Variants in IFT56 observed in about 807,000 individuals in gnomAD.
IFT56 encodes the protein intraflagellar transport protein 56.
the IFT56 span, among the ~76,000 whole-genome samples, chr7:139,159,201 G>C: frequency 6.6e-6 from 1 of 152,052 alleles, no homozygotes; most frequent in African/African-American, 2.4e-5. Flanking sequence ...TAAATGTTTG[G>C]TAGAACTTAT....
the IFT56 span, among the ~76,000 whole-genome samples, chr7:139,184,780 C>T: frequency 0.18 from 27,398 of 152,030 alleles, 4,398 homozygotes; most frequent in African/African-American, 0.39. Context: ...GCAGGCCGGG[C>T]GTGGTGGCTG....
the IFT56 span, among the ~76,000 whole-genome samples, chr7:139,163,684 TTG>T: frequency 6.6e-6 from 1 of 152,070 alleles, no homozygotes; most frequent in South Asian, 2.1e-4. Context: ...CAAAAACCCC[TTG>T]TGTGTGTTTA....
At chr7:139,166,775 G>A in the IFT56 span, 1 of 838,706 alleles carries the variant, frequency 1.2e-6, no homozygotes, top group Non-Finnish European at 2.0e-6. Context: ...CTTATCTTTT[G>A]GGAGGACTGC....
the IFT56 span, chr7:139,172,945 G>T: frequency 1.4e-6 from 1 of 725,742 alleles, no homozygotes; most frequent in South Asian, 1.4e-5. Flanking sequence ...TATACTGGCG[G>T]ATGTGTCCTG....
chr7:139,168,537 C>T, the IFT56 span: 2 of 661,526 alleles, frequency 3.0e-6, no homozygotes, highest in African/African-American at 3.6e-5. Context: ...ATCCAGACTC[C>T]ACTGAGAAAA....
the IFT56 span, among the ~76,000 whole-genome samples, chr7:139,184,276 T>C: frequency 1.3e-5 from 2 of 152,186 alleles, no homozygotes; most frequent in African/African-American, 4.8e-5. Flanking sequence ...TCATATCCTC[T>C]TGCTGTGTGT....
the IFT56 span, among the ~76,000 whole-genome samples, chr7:139,175,961 C>T: frequency 6.6e-6 from 1 of 152,016 alleles, no homozygotes; most frequent in Admixed American, 6.6e-5. Flanking sequence ...TCCCGAGTAG[C>T]TGGGACTACA....
At chr7:139,182,293 C>G in the IFT56 span, among the ~76,000 whole-genome samples, 1 of 151,862 alleles carries the variant, frequency 6.6e-6, no homozygotes, top group South Asian at 2.1e-4. Context: ...TCAACAAAAG[C>G]TCATTTCAAA....
the IFT56 span, chr7:139,190,225 T>TTGTTGTTGTTG: frequency 2.1e-5 from 3 of 145,346 alleles, no homozygotes; most frequent in African/African-American, 8.4e-5. Flanking sequence ...AACATCAGTT[T>TTGTTGTTGTTG]TTGTTGTTGT....
At chr7:139,187,302 A>T in the IFT56 span, 2 of 1,354,556 alleles carry the variant, frequency 1.5e-6, no homozygotes, top group East Asian at 2.3e-5. Flanking sequence ...GTCAGCACCC[A>T]TGCACTTATT....
chr7:139,147,245 A>G, the IFT56 span: 1 of 1,613,554 alleles, frequency 6.2e-7, no homozygotes, highest in Non-Finnish European at 8.5e-7. Flanking sequence ...CGATCTCACT[A>G]CCAAGAAGCT....
At chr7:139,143,472 G>C in the IFT56 span, among the ~76,000 whole-genome samples, 1 of 151,694 alleles carries the variant, frequency 6.6e-6, no homozygotes, top group African/African-American at 2.4e-5. Context: ...ATTTCTCTTT[G>C]TCATATTTGT....
the IFT56 span, among the ~76,000 whole-genome samples, chr7:139,179,090 G>A: frequency 6.6e-6 from 1 of 152,144 alleles, no homozygotes; most frequent in Non-Finnish European, 1.5e-5. Flanking sequence ...GTCATAGAAT[G>A]TGCTCTGGGC....
At chr7:139,175,240 CCTA>C in the IFT56 span, among the ~76,000 whole-genome samples, 1 of 151,968 alleles carries the variant, frequency 6.6e-6, no homozygotes, top group Non-Finnish European at 1.5e-5. Flanking sequence ...AATTAGCACA[CCTA>C]CTATGTATGT....
the IFT56 span, chr7:139,181,055 G>T: frequency 1.5e-6 from 2 of 1,312,130 alleles, no homozygotes; most frequent in South Asian, 2.5e-5. Flanking sequence ...CAGTAAAAAT[G>T]ACTCATTTGT....
the IFT56 span, chr7:139,190,592 G>A: frequency 6.6e-6 from 1 of 152,074 alleles, no homozygotes; most frequent in South Asian, 2.1e-4. Flanking sequence ...TATGTATTGT[G>A]GGCACTTATT....
At chr7:139,190,845 A>C in the IFT56 span, 1 of 152,206 alleles carries the variant, frequency 6.6e-6, no homozygotes, top group Non-Finnish European at 1.5e-5. Context: ...CTAGTGTTAC[A>C]GGTCTAGAAA....
the IFT56 span, among the ~76,000 whole-genome samples, chr7:139,157,353 G>T: frequency 2.0e-5 from 3 of 151,470 alleles, no homozygotes; most frequent in Non-Finnish European, 4.4e-5. Flanking sequence ...TACCATGTTA[G>T]CCAGGCTGGT....
At chr7:139,160,530 A>G in the IFT56 span, among the ~76,000 whole-genome samples, 1 of 151,976 alleles carries the variant, frequency 6.6e-6, no homozygotes, top group East Asian at 1.9e-4. Context: ...CCCAGGTTCA[A>G]GTGTTTCTCC....
Sources: allele counts gnomAD v4.1 joint callset (sites outside exome capture counted in the v4.1 genomes callset), GRCh38; gene constraint gnomAD v4.1.1; transcripts MANE v1.5; gene names NCBI Gene and HGNC (gene_info 2026-07-23, HGNC 2026-07-21).